The following TJP2 variants were observed in gnomAD, a reference collection of about 807,000 sequenced individuals.
TJP2 encodes Friedreich ataxia region gene X104 (tight junction protein ZO-2).
TJP2 carries 91 observed loss-of-function variants against 133.1 expected under a neutral mutation model. The ratio of observed to expected loss-of-function variants is 0.68; its 90% CI spans 0.58 to 0.81. The LOEUF is 0.81. Among genes scored for constraint, TJP2 ranks in the 40% least tolerant of loss-of-function variants. The probability of loss-of-function intolerance (pLI) is 0.00; values close to 1 mark genes in which losing one functional copy is unlikely to be tolerated. For synonymous variants in TJP2, 592 were observed against 583.4 expected (o/e 1.01, Z -0.21); for missense variants, 1,541 against 1,565.6 (o/e 0.98, Z 0.26).
Position 69,204,100 on chromosome 9 carries a change from C to T in TJP2, c.61-8448C>T, listed in dbSNP as rs114921384. On this transcript the variant is annotated intron_variant, in intron 1 of 22. Coordinates refer to ENST00000377245, the MANE Select transcript of TJP2 (RefSeq NM_004817.4). ...CCTTCTGAAGTGTAGATGGTTTTAT[C>T]GCCACTGTATAAAGAAGGGTATAGT... is the stretch of plus-strand genomic sequence containing the variant. Among the ~76,000 whole-genome samples, 428 of 151,966 alleles carry T rather than the reference C, an allele frequency of 2.8e-3. 4 individuals carry two copies. Among genetic ancestry groups the T allele is most frequent in the African/African-American group, 9.6e-3 (397 of 41,408 alleles).
chr9:69,234,378 C>A, intron 11 of TJP2, 61 bp from the exon 12 acceptor site: 1 of 1,229,608 alleles, frequency 8.1e-7, no homozygotes, highest in Admixed American at 2.3e-5. Flanking sequence ...TTTTTTCTTT[C>A]TTTCTTTCTT....
chr9:69,212,751 A>T (rs145575680), intron 2 of TJP2, 150 bp downstream of exon 2: 2 of 666,420 alleles, frequency 3.0e-6, no homozygotes, highest in Non-Finnish European at 2.7e-6. Context: ...AATAATTGCT[A>T]TGTTAACAAA....
intron 21 of TJP2, 94 bp downstream of exon 21, chr9:69,251,458 T>C: frequency 7.4e-7 from 1 of 1,350,830 alleles, no homozygotes; most frequent in Non-Finnish European, 1.0e-6. Flanking sequence ...CTGCTGCAGA[T>C]GTGGCAGGGA....
chr9:69,168,447 A>T (rs1180425303), intron 2 of TJP2, among the ~76,000 whole-genome samples: 1 of 152,090 alleles, frequency 6.6e-6, no homozygotes. Flanking sequence ...TGTACAAGTT[A>T]ATTACCCCCA....
intron 3 of TJP2, 81 bp downstream of exon 3, chr9:69,216,544 T>C: frequency 6.7e-7 from 1 of 1,486,964 alleles, no homozygotes; most frequent in Non-Finnish European, 9.1e-7. Flanking sequence ...GGTGTCCACT[T>C]TATTTAAAAA....
At chr9:69,185,909 A>G (rs2993818) in intron 1 of TJP2, among the ~76,000 whole-genome samples, 67,964 of 141,812 alleles carry the variant, frequency 0.48, 16,242 homozygotes, top group South Asian at 0.54. Flanking sequence ...TTTTTTGGAG[A>G]CGGAGTCTCG....
At chr9:69,152,817 C>CT (rs10543289) in intron 2 of TJP2, among the ~76,000 whole-genome samples, 937 of 48,002 alleles carry the variant, frequency 0.02, 227 homozygotes, top group Non-Finnish European at 0.027. Context: ...CTCTGGAGCT[C>CT]TTTTTTTTTT....
intron 1 of TJP2, 36 bp downstream of exon 1, chr9:69,174,468 G>GGGC (rs775823459): frequency 2.3e-4 from 353 of 1,525,792 alleles, no homozygotes; most frequent in Middle Eastern, 1.3e-3. Context: ...TTGGGAGGAG[G>GGGC]GTCGTGAGCG....
intron 1 of TJP2, among the ~76,000 whole-genome samples, chr9:69,193,530 C>T (rs978142480): frequency 1.4e-5 from 2 of 147,138 alleles, no homozygotes; most frequent in African/African-American, 5.1e-5. Context: ...AAAAAAACGT[C>T]AGCCCATACC....
At chr9:69,226,517 G>T (rs1285526014) in intron 7 of TJP2, among the ~76,000 whole-genome samples, 3 of 150,934 alleles carry the variant, frequency 2.0e-5, no homozygotes, top group African/African-American at 4.9e-5. Flanking sequence ...GTTTTTTTTT[G>T]AGACAGAGTT....
At chr9:69,129,529 C>T (rs114785534) in intron 1 of TJP2, among the ~76,000 whole-genome samples, 1,946 of 151,944 alleles carry the variant, frequency 0.013, 44 homozygotes, top group African/African-American at 0.045. Context: ...AAAAAAACCC[C>T]GTCAATTCTA....
At chr9:69,216,313 T>A in intron 2 of TJP2, 26 bp from the exon 3 acceptor site, 1 of 1,614,036 alleles carries the variant, frequency 6.2e-7, no homozygotes, top group Non-Finnish European at 8.5e-7. Flanking sequence ...GAAGGATTTT[T>A]AATATTTCTC....
intron 17 of TJP2, among the ~76,000 whole-genome samples, chr9:69,241,046 T>C (rs1830548961): frequency 6.6e-6 from 1 of 152,218 alleles, no homozygotes; most frequent in African/African-American, 2.4e-5. Flanking sequence ...TGGCCAAGAC[T>C]TGGTAGTTGT....
At chr9:69,167,372 G>A (rs1303406053) in intron 2 of TJP2, among the ~76,000 whole-genome samples, 2 of 152,102 alleles carry the variant, frequency 1.3e-5, no homozygotes, top group African/African-American at 4.8e-5. Flanking sequence ...ACCTAATGTC[G>A]AAGACAGGTA....
intron 15 of TJP2, among the ~76,000 whole-genome samples, chr9:69,238,385 C>G (rs45534236): frequency 0.033 from 5,012 of 152,198 alleles, 254 homozygotes; most frequent in African/African-American, 0.11. Context: ...AGAATACAAC[C>G]AAGGACCATT....
chr9:69,214,590 C>G (rs1275178471), intron 2 of TJP2, among the ~76,000 whole-genome samples: 1 of 152,046 alleles, frequency 6.6e-6, no homozygotes, highest in Admixed American at 6.6e-5. Flanking sequence ...AGTTACGGGC[C>G]GGGCGCAGTA....
intron 5 of TJP2, among the ~76,000 whole-genome samples, chr9:69,222,791 G>A (rs186531517): frequency 0.012 from 1,885 of 151,072 alleles, 34 homozygotes; most frequent in Non-Finnish European, 0.016. Context: ...GGGTGGAGCC[G>A]GGTGCAGTGG....
intron 2 of TJP2, among the ~76,000 whole-genome samples, chr9:69,161,254 G>A (rs1824055346): frequency 6.6e-6 from 1 of 151,866 alleles, no homozygotes; most frequent in African/African-American, 2.4e-5. Context: ...TTAAGATGGA[G>A]TTTCGCTCTT....
At chr9:69,223,508 C>T (rs1829080965) in intron 5 of TJP2, among the ~76,000 whole-genome samples, 1 of 152,170 alleles carries the variant, frequency 6.6e-6, no homozygotes, top group Non-Finnish European at 1.5e-5. Context: ...GGGGTTTCAC[C>T]GTGTTAGCCA....
Sources: gnomAD v4.1 joint callset for allele counts (sites outside exome capture counted in the v4.1 genomes callset) on GRCh38, gnomAD v4.1.1 for gene constraint, MANE v1.5 for transcripts, NCBI Gene and HGNC (gene_info 2026-07-23, HGNC 2026-07-21) for gene names.